Variants in RNLS observed in about 807,000 individuals in gnomAD.
RNLS encodes the protein renalase, FAD dependent amine oxidase.
In RNLS, 39 loss-of-function variants were observed where a neutral mutation model predicts 39.8. That is an observed-to-expected ratio of 0.98 (90% confidence interval 0.76 to 1.28). The LOEUF is 1.28. RNLS is among the 50% of genes most tolerant of loss of function. The probability of loss-of-function intolerance (pLI) is 0.00; values close to 1 mark genes in which losing one functional copy is unlikely to be tolerated. For synonymous variants in RNLS, 147 were observed against 150.7 expected (o/e 0.98, Z 0.18); for missense variants, 410 against 413.3 (o/e 0.99, Z 0.07).
chr10:88,504,390 TA>T (rs1845671717), intron 4 of RNLS, among the ~76,000 whole-genome samples: 2 of 152,090 alleles, frequency 1.3e-5, no homozygotes, highest in African/African-American at 4.8e-5. Context: ...GTATAATGAA[TA>T]ATACGCCTCT....
At chr10:88,225,879 G>A in the RNLS span, among the ~76,000 whole-genome samples, 1 of 151,942 alleles carries the variant, frequency 6.6e-6, no homozygotes, top group African/African-American at 2.4e-5. Context: ...TAAATGAAAT[G>A]CGCTTAGCTA....
chr10:88,577,309 G>T (rs896937284), intron 3 of RNLS, among the ~76,000 whole-genome samples: 3 of 152,096 alleles, frequency 2.0e-5, no homozygotes, highest in Non-Finnish European at 4.4e-5. Flanking sequence ...GAAAGAGAAG[G>T]CTCTACAAAA....
intron 3 of RNLS, among the ~76,000 whole-genome samples, chr10:88,578,771 G>A (rs1052664575): frequency 7.2e-5 from 11 of 152,012 alleles, no homozygotes; most frequent in Admixed American, 1.3e-4. Flanking sequence ...AAGTTAAAAC[G>A]TATGTATTCC....
intron 4 of RNLS, among the ~76,000 whole-genome samples, chr10:88,558,139 C>A (rs528077890): frequency 1.5e-4 from 23 of 152,180 alleles, no homozygotes; most frequent in African/African-American, 5.5e-4. Flanking sequence ...GCGTTTATAT[C>A]AAGCATGGAG....
At chr10:88,479,150 C>A (rs1843999280) in intron 4 of RNLS, among the ~76,000 whole-genome samples, 1 of 152,302 alleles carries the variant, frequency 6.6e-6, no homozygotes, top group South Asian at 2.1e-4. Context: ...TATATCCTAG[C>A]ATGGCATCTG....
At chr10:88,369,284 T>C (rs1225814678) in intron 4 of RNLS, among the ~76,000 whole-genome samples, 1 of 152,174 alleles carries the variant, frequency 6.6e-6, no homozygotes, top group Non-Finnish European at 1.5e-5. Flanking sequence ...CCCATGTCCA[T>C]TCCTTGCCCT....
the RNLS span, among the ~76,000 whole-genome samples, chr10:88,216,783 AC>A: frequency 6.6e-6 from 1 of 152,020 alleles, no homozygotes; most frequent in African/African-American, 2.4e-5. Context: ...AACAACAACA[AC>A]AACAAAAAAA....
At chr10:88,225,864 C>T in the RNLS span, among the ~76,000 whole-genome samples, 6,319 of 152,102 alleles carry the variant, frequency 0.042, 202 homozygotes, top group East Asian at 0.12. Flanking sequence ...TAAAGGATGG[C>T]TCTTTAAATG....
At chr10:88,497,614 A>G (rs887477207) in intron 4 of RNLS, among the ~76,000 whole-genome samples, 8 of 152,254 alleles carry the variant, frequency 5.3e-5, no homozygotes, top group Non-Finnish European at 1.2e-4. Context: ...CCTAAACTTA[A>G]GAAATAGAAA....
intron 3 of RNLS, among the ~76,000 whole-genome samples, chr10:88,573,938 TGA>T (rs1269361840): frequency 9.2e-5 from 14 of 152,076 alleles, no homozygotes; most frequent in African/African-American, 3.4e-4. Context: ...GTCAGGAGTT[TGA>T]GACCAGCCTG....
chr10:88,331,481 T>G (rs1847104598), intron 5 of RNLS, among the ~76,000 whole-genome samples: 1 of 152,180 alleles, frequency 6.6e-6, no homozygotes, highest in Non-Finnish European at 1.5e-5. Context: ...AGACACAGTA[T>G]TAAGGTCTTT....
chr10:88,218,056 G>GA, the RNLS span, among the ~76,000 whole-genome samples: 41 of 149,306 alleles, frequency 2.7e-4, no homozygotes, highest in Middle Eastern at 6.8e-3. Flanking sequence ...GAAAAACAAG[G>GA]AAAAAAAAAA....
intron 4 of RNLS, among the ~76,000 whole-genome samples, chr10:88,409,608 T>C (rs2133692430): frequency 6.6e-6 from 1 of 152,228 alleles, no homozygotes; most frequent in Non-Finnish European, 1.5e-5. Context: ...TTCAAAGGAT[T>C]ATATAAAATA....
chr10:88,257,588 G>A, the RNLS span, among the ~76,000 whole-genome samples: 3 of 152,116 alleles, frequency 2.0e-5, no homozygotes, highest in Admixed American at 6.6e-5. Context: ...AGTCAGTGCC[G>A]ATGAATCCCT....
chr10:88,570,095 G>A (rs961095560), intron 4 of RNLS, among the ~76,000 whole-genome samples: 1 of 152,050 alleles, frequency 6.6e-6, no homozygotes, highest in Non-Finnish European at 1.5e-5. Context: ...ATAATTCTAT[G>A]AGGCCTACAT....
chr10:88,238,240 T>C, the RNLS span, among the ~76,000 whole-genome samples: 2 of 152,206 alleles, frequency 1.3e-5, no homozygotes, highest in Middle Eastern at 3.2e-3. Context: ...GTGTTGAATA[T>C]TTGAGGACAG....
At chr10:88,224,421 G>A in the RNLS span, among the ~76,000 whole-genome samples, 84 of 152,304 alleles carry the variant, frequency 5.5e-4, no homozygotes, top group Admixed American at 2.1e-3. Context: ...GGCATGAGAA[G>A]ATATGAGAAA....
rs1843125751 is a variant in RNLS at position 88,284,219 on chromosome 10, T to A, written c.*1135A>T. 1 of 985,248 alleles carries A rather than the reference T, an allele frequency of 1.0e-6. No individual in the cohort carries two copies. Among genetic ancestry groups the A allele is most frequent in the Admixed American group, 6.2e-5 (1 of 16,242 alleles). The allele number at this position is 985,248 out of a possible 1,614,324, so 61.0% of individuals were successfully genotyped here. On this transcript the variant is annotated 3_prime_UTR_variant, in exon 7 of 7. Transcript: ENST00000331772. ...CAAGTTCTGCCTGTGCCTGTGTATG[T>A]GTATGTATGACAGTGGACATGTAAG...
At position 88,520,102 on chromosome 10, in the gene RNLS, C is replaced by T. The variant is rs527607652; in HGVS notation, c.526+52801G>A. Among the ~76,000 whole-genome samples, 6 of 151,984 alleles carry T rather than the reference C, an allele frequency of 3.9e-5. No individual in the cohort carries two copies. In the South Asian group the frequency reaches 1.2e-3, roughly 32 times the overall value. On this transcript the variant is annotated intron_variant, in intron 4 of 6. Transcript: ENST00000331772. ...ACAGCTGTCTGGAAGTGCCTCATTCCCTGATTCAGGGATGTAATTTTTCAC... is the reference window on the plus strand; with the variant it reads ...ACAGCTGTCTGGAAGTGCCTCATTCTCTGATTCAGGGATGTAATTTTTCAC...
Sources: allele counts gnomAD v4.1 joint callset (sites outside exome capture counted in the v4.1 genomes callset), GRCh38; gene constraint gnomAD v4.1.1; transcripts MANE v1.5; gene names NCBI Gene and HGNC (gene_info 2026-07-23, HGNC 2026-07-21).